The following TRIM50 variants were observed in gnomAD, a reference collection of about 807,000 sequenced individuals.
TRIM50 encodes the protein E3 ubiquitin-protein ligase TRIM50.
Under a neutral mutation model 44.9 loss-of-function variants are expected in TRIM50, and 34 were observed. That is an observed-to-expected ratio of 0.76 (90% CI 0.58 to 1.01). The LOEUF (loss-of-function observed/expected upper bound fraction) is 1.01. Ranked by LOEUF, TRIM50 falls within the 50% of genes least tolerant of loss-of-function variation. The probability of loss-of-function intolerance (pLI) is 0.00; values close to 1 mark genes in which losing one functional copy is unlikely to be tolerated. For missense variants in TRIM50, 633 were observed against 663.7 expected, an observed-to-expected ratio of 0.95 and a Z score of 0.51; for synonymous variants, 307 against 291.1, an observed-to-expected ratio of 1.05 and a Z score of -0.56.
rs1804274270 is a variant in TRIM50, at chr7:73,313,297, A to C, written c.1088T>G (p.Leu363Arg). 1.2e-6 allele frequency: 2 copies of C among 1,605,336 alleles called. No individual in the cohort carries two copies. The stretch of plus-strand genomic sequence containing the variant: ...GCTGGCTGTGCCCTTGATGACCCCC[A>C]GGCGCCAGTCGCTCTTGCTGCCCAC... Reference protein sequence around the residue: ...VVVGSKSDWRLGVIKGTASRK... With the variant: ...VVVGSKSDWRRGVIKGTASRK... Residue 363 changes from leucine (L) to arginine (R), a missense_variant, in exon 7 of 7, where the codon CTG becomes CGG. Coordinates refer to ENST00000333149, the MANE Select transcript of TRIM50 (RefSeq NM_178125.3). This position sits in a 1 kb window ranked among gnomAD's most constrained non-coding sequence, Gnocchi z 4.9.
At chr7:73,323,843 C>T (rs1382163607) in intron 2 of TRIM50, among the ~76,000 whole-genome samples, 5 of 152,166 alleles carry the variant, frequency 3.3e-5, no homozygotes, top group African/African-American at 7.2e-5. Flanking sequence ...GAGTTCAACA[C>T]CAGCCTGGGC....
chr7:73,319,348 C>A (rs1291995995), intron 3 of TRIM50, among the ~76,000 whole-genome samples: 1 of 152,088 alleles, frequency 6.6e-6, no homozygotes, highest in African/African-American at 2.4e-5. Context: ...GGCTGGAGCA[C>A]AGTGGCATGA....
intron 5 of TRIM50, among the ~76,000 whole-genome samples, chr7:73,317,970 C>G (rs1804399203): frequency 6.6e-6 from 1 of 152,156 alleles, no homozygotes; most frequent in Admixed American, 6.6e-5. Context: ...TGCCTTACAC[C>G]CAGCCACCCT....
chr7:73,316,586 G>C lies in TRIM50; in HGVS notation c.853C>G (p.Leu285Val). The C allele has an allele frequency of 6.2e-7, 1 of 1,614,230 alleles. No individual in the cohort carries two copies. Among genetic ancestry groups the C allele is most frequent in the Non-Finnish European group, 8.5e-7 (1 of 1,180,038 alleles). ...ADIKLTVWKRLFRKVLPAPEP... is the reference protein window; with the variant it reads ...ADIKLTVWKRVFRKVLPAPEP... ...TCACCTGGCAAAACTTTCCGGAAGA[G>C]CCTTTTCCACACGGTCAGCTTGATG... Residue 285 changes from leucine to valine, a missense_variant, in exon 6 of 7, where the codon CTC becomes GTC. By Grantham distance (32) the Leu-to-Val change is conservative. Coordinates refer to ENST00000333149, the MANE Select transcript of TRIM50 (RefSeq NM_178125.3).
At position 73,328,073 on chromosome 7, in the gene TRIM50, A is replaced by C; in HGVS notation, c.-192T>G. ...CGCCTCGCGCTACCGCGCGTGCCCCATCATGCTCTGCGCGCTCCCATTACG... is the reference window on the plus strand; with the variant it reads ...CGCCTCGCGCTACCGCGCGTGCCCCCTCATGCTCTGCGCGCTCCCATTACG... On this transcript the variant is annotated 5_prime_UTR_variant, in exon 1 of 7. The change abolishes an upstream ATG in the 5' untranslated region. Transcript: ENST00000333149. 7 of 941,760 alleles carry C rather than the reference A, an allele frequency of 7.4e-6. No homozygotes were observed. Among genetic ancestry groups the C allele is most frequent in the Non-Finnish European group, 9.7e-6 (6 of 617,752 alleles). 58.3% of individuals were successfully genotyped at this position (941,760 alleles called of 1,614,324 possible). A position where few individuals can be genotyped will look rare whatever the true frequency, so the allele number is the denominator to read the frequency against.
chr7:73,324,612 G>A lies in TRIM50; in HGVS notation c.176C>T (p.Ala59Val), dbSNP rs782315115. Residue 59 changes from alanine (A) to valine (V), a missense_variant, in exon 2 of 7, where the codon GCG (alanine) becomes GTG (valine). Transcript: ENST00000333149. ...GGGCAGGGAGCTGCTGCCGTCCACC[G>A]CCTGCCGGCACACGGGGCAGCGCAG... ...AELRCPVCRQ[A>V]VDGSSSLPNV... 38 of 1,613,986 alleles carry A rather than the reference G, an allele frequency of 2.4e-5. No individual in the cohort carries two copies. The highest frequency in any genetic ancestry group is 5.3e-5 in the African/African-American group (4 of 74,946).
intron 2 of TRIM50, chr7:73,321,865 C>T (rs1311351508): frequency 6.6e-6 from 1 of 152,178 alleles, no homozygotes; most frequent in African/African-American, 2.4e-5. Flanking sequence ...TGTCACTCTC[C>T]CCAGGCAGAC....
intron 2 of TRIM50, among the ~76,000 whole-genome samples, chr7:73,322,584 G>A (rs1361491413): frequency 1.3e-5 from 2 of 152,128 alleles, no homozygotes; most frequent in Non-Finnish European, 2.9e-5. Flanking sequence ...ACACTTTTCA[G>A]TCCTCAGAGA....
In TRIM50 at chr7:73,313,210, C is replaced by T. The variant is rs1246879207; in HGVS notation, c.1175G>A (p.Gly392Asp). The change falls in exon 7 of 7, where the codon GGC becomes GAC. Residue 392 changes from glycine (G) to aspartate (D), a missense_variant. Physicochemically the swap from Gly to Asp is moderately conservative, Grantham distance 94. Coordinates refer to ENST00000333149, the MANE Select transcript of TRIM50 (RefSeq NM_178125.3). The surrounding 1 kb of genome is among the most constrained non-coding windows in gnomAD (Gnocchi z 4.9). ...GCAGGCAAAGGCTTCGTACACCCGG[C>T]CCTCCTTCAGGCCGATCAGCCACAC... Reference protein sequence around the residue: ...HGVWLIGLKEGRVYEAFACPR... With the variant: ...HGVWLIGLKEDRVYEAFACPR... 6.3e-7 allele frequency: 1 copy of T among 1,591,962 alleles called. No individual in the cohort carries two copies. The highest frequency in any genetic ancestry group is 8.5e-7 in the Non-Finnish European group (1 of 1,169,646).
At chr7:73,320,775 C>T (rs1804476126) in intron 2 of TRIM50, among the ~76,000 whole-genome samples, 1 of 152,010 alleles carries the variant, frequency 6.6e-6, no homozygotes, top group Non-Finnish European at 1.5e-5. Context: ...CGCCTGTACT[C>T]CCAGCATTTT....
In TRIM50 at chr7:73,318,989, C is replaced by T. The variant is rs782194247; in HGVS notation, c.559G>A (p.Asp187Asn). 1.2e-6 allele frequency: 2 copies of T among 1,614,032 alleles called. No individual in the cohort carries two copies. The highest frequency in any genetic ancestry group is 1.3e-5 in the African/African-American group (1 of 75,070). ...REFQELHHLVDEEKARCLEGI... is the reference protein window; with the variant it reads ...REFQELHHLVNEEKARCLEGI... ...TCCAGGCAGCGGGCCTTCTCCTCAT[C>T]CACCAGGTGGTGCAGCTCCTGGAAC... The change falls in exon 4 of 7, where the codon GAT (aspartate) becomes AAT (asparagine). Residue 187 changes from aspartate (D) to asparagine (N), a missense_variant. By Grantham distance (23) the Asp-to-Asn change is conservative. Coordinates refer to ENST00000333149, the MANE Select transcript of TRIM50 (RefSeq NM_178125.3).
intron 3 of TRIM50, among the ~76,000 whole-genome samples, chr7:73,319,778 T>C (rs1322010333): frequency 1.3e-5 from 2 of 152,192 alleles, no homozygotes; most frequent in Admixed American, 1.3e-4. Flanking sequence ...TGCCAGCCTC[T>C]CCACGCCTGA....
At position 73,312,685 on chromosome 7, in the gene TRIM50, A is replaced by T; in HGVS notation, c.*236T>A. 1 of 516,154 alleles carries T rather than the reference A, an allele frequency of 1.9e-6. No homozygotes were observed. Among genetic ancestry groups the T allele is most frequent in the African/African-American group, 2.0e-5 (1 of 50,900 alleles). The allele number at this position is 516,154 out of a possible 1,614,324, so 32.0% of individuals were successfully genotyped here. A position where few individuals can be genotyped will look rare whatever the true frequency, so the allele number is the denominator to read the frequency against. ...TTAGCAAGTGGCAGGAACCATGGGG[A>T]TTTCAGTGTGTCCCTGGCTGCCAAG... On this transcript the variant is annotated 3_prime_UTR_variant, in exon 7 of 7. Coordinates refer to ENST00000333149, the MANE Select transcript of TRIM50 (RefSeq NM_178125.3).
Position 73,313,331 on chromosome 7 carries a change from C to G in TRIM50, c.1054G>C (p.Glu352Gln), listed in dbSNP as rs1554543471. The G allele has an allele frequency of 6.2e-7, 1 of 1,606,434 alleles. No homozygotes were observed. The highest frequency in any genetic ancestry group is 1.7e-5 in the Admixed American group (1 of 58,942). ...RGFSCGRHYW[E>Q]VVVGSKSDWR... The stretch of plus-strand genomic sequence containing the variant: ...TCGCTCTTGCTGCCCACCACCACCT[C>G]CCAGTAGTGGCGGCCGCAGGAGAAG... The change falls in exon 7 of 7, where the codon GAG (glutamate) becomes CAG (glutamine). Residue 352 changes from glutamate (E) to glutamine (Q), a missense_variant. Coordinates refer to ENST00000333149, the MANE Select transcript of TRIM50 (RefSeq NM_178125.3). The surrounding 1 kb of genome is among the most constrained non-coding windows in gnomAD (Gnocchi z 4.9).
Position 73,312,738 on chromosome 7 carries a change from C to A in TRIM50, c.*183G>T. On this transcript the variant is annotated 3_prime_UTR_variant, in exon 7 of 7. Coordinates refer to ENST00000333149, the MANE Select transcript of TRIM50 (RefSeq NM_178125.3). Reference sequence around the variant, plus strand: ...CTGGGGGCCGAAGTTTACAAATACACCCTTGGCTGAGGGGAAAGGGACTGG... The same window carrying A: ...CTGGGGGCCGAAGTTTACAAATACAACCTTGGCTGAGGGGAAAGGGACTGG... 1 of 586,546 alleles carries A rather than the reference C, an allele frequency of 1.7e-6. No homozygotes were observed. Among genetic ancestry groups the A allele is most frequent in the South Asian group, 2.3e-5 (1 of 43,824 alleles). The allele number at this position is 586,546 out of a possible 1,614,324, so 36.3% of individuals were successfully genotyped here. A position where few individuals can be genotyped will look rare whatever the true frequency, so the allele number is the denominator to read the frequency against.
chr7:73,313,303 C>A lies in TRIM50; in HGVS notation c.1082G>T (p.Trp361Leu). The A allele has an allele frequency of 6.2e-7, 1 of 1,606,052 alleles. No individual in the cohort carries two copies. The highest frequency in any genetic ancestry group is 8.5e-7 in the Non-Finnish European group (1 of 1,177,200). Residue 361 changes from tryptophan (W) to leucine (L), a missense_variant, in exon 7 of 7, where the codon TGG (tryptophan) becomes TTG (leucine). Trp to Leu is a moderately conservative substitution (Grantham distance 61, BLOSUM62 -2). Transcript: ENST00000333149. The surrounding 1 kb of genome is among the most constrained non-coding windows in gnomAD (Gnocchi z 4.9). Reference sequence around the variant, plus strand: ...TGTGCCCTTGATGACCCCCAGGCGCCAGTCGCTCTTGCTGCCCACCACCAC... The same window carrying A: ...TGTGCCCTTGATGACCCCCAGGCGCAAGTCGCTCTTGCTGCCCACCACCAC... Reference protein sequence around the residue: ...WEVVVGSKSDWRLGVIKGTAS... With the variant: ...WEVVVGSKSDLRLGVIKGTAS...
chr7:73,327,754 G>C (rs1228937956), intron 1 of TRIM50, 146 bp downstream of exon 1: 5 of 183,540 alleles, frequency 2.7e-5, no homozygotes, highest in Admixed American at 1.1e-4. Flanking sequence ...TTCCAAAAGT[G>C]CTTCCCCTGT....
intron 6 of TRIM50, among the ~76,000 whole-genome samples, chr7:73,316,258 C>A (rs1181974242): frequency 6.6e-6 from 1 of 152,192 alleles, no homozygotes. Flanking sequence ...TTATGAAGCA[C>A]TAAGCTGCAA....
At chr7:73,320,762 T>C (rs1367691953) in intron 2 of TRIM50, among the ~76,000 whole-genome samples, 1 of 152,056 alleles carries the variant, frequency 6.6e-6, no homozygotes, top group Non-Finnish European at 1.5e-5. Flanking sequence ...GCGCAGTGGC[T>C]CACGCCTGTA....
Sources: gnomAD v4.1 joint callset for allele counts (sites outside exome capture counted in the v4.1 genomes callset) on GRCh38, gnomAD v4.1.1 for gene constraint, Gnocchi (gnomAD v3.1) non-coding constraint, MANE v1.5 for transcripts, NCBI Gene and HGNC (gene_info 2026-07-23, HGNC 2026-07-21) for gene names.